SLC35F3: variants seen among roughly 807,000 people sequenced by gnomAD.
SLC35F3 encodes the protein solute carrier family 35 member F3, also known as putative thiamine transporter SLC35F3.
Under a neutral mutation model 49.9 loss-of-function variants are expected in SLC35F3, and 25 were observed. The ratio of observed to expected loss-of-function variants is 0.50; its 90% CI spans 0.37 to 0.70. The LOEUF is 0.70. SLC35F3 is among the 30% of genes least tolerant of loss of function. The pLI is 0.00. For synonymous variants in SLC35F3, 275 were observed against 265.4 expected (o/e 1.04, Z -0.35); for missense variants, 525 against 639.8 (o/e 0.82, Z 1.94).
intron 2 of SLC35F3, among the ~76,000 whole-genome samples, chr1:233,942,361 T>A (rs527807026): frequency 6.6e-6 from 1 of 152,254 alleles, no homozygotes; most frequent in African/African-American, 2.4e-5. Context: ...TTTTTGATGT[T>A]GTTTTGTGTG....
intron 2 of SLC35F3, among the ~76,000 whole-genome samples, chr1:234,066,831 CACACA>C (rs1664628031): frequency 1.5e-4 from 1 of 6,896 alleles, no homozygotes; most frequent in Non-Finnish European, 4.3e-4. Flanking sequence ...CTCTCTCTCC[CACACA>C]CACACACACA....
chr1:234,165,907 G>A (rs543470649), intron 2 of SLC35F3, among the ~76,000 whole-genome samples: 4 of 152,136 alleles, frequency 2.6e-5, no homozygotes, highest in African/African-American at 7.2e-5. Flanking sequence ...CTGCCTTTGC[G>A]CACTCATAGC....
intron 2 of SLC35F3, among the ~76,000 whole-genome samples, chr1:234,052,681 C>A (rs1664396842): frequency 6.6e-6 from 1 of 152,060 alleles, no homozygotes; most frequent in Non-Finnish European, 1.5e-5. Context: ...CTTCTGCTAG[C>A]TTTTAATGTG....
chr1:234,162,254 G>A (rs1666239123), intron 2 of SLC35F3, among the ~76,000 whole-genome samples: 2 of 151,662 alleles, frequency 1.3e-5, no homozygotes, highest in African/African-American at 4.8e-5. Context: ...CTGTGGCTAC[G>A]ATGCTGTGTC....
At chr1:234,198,198 A>G (rs1666843221) in intron 2 of SLC35F3, among the ~76,000 whole-genome samples, 1 of 152,226 alleles carries the variant, frequency 6.6e-6, no homozygotes, top group African/African-American at 2.4e-5. Flanking sequence ...ATTTCCTGTG[A>G]AGGCTTTTTG....
chr1:233,932,637 T>TA (rs1277623726), intron 2 of SLC35F3, among the ~76,000 whole-genome samples: 3 of 152,162 alleles, frequency 2.0e-5, no homozygotes, highest in African/African-American at 7.2e-5. Context: ...TACCACAATT[T>TA]AAAAATCTCT....
At chr1:234,118,863 TA>T (rs1322154214) in intron 2 of SLC35F3, among the ~76,000 whole-genome samples, 1 of 151,238 alleles carries the variant, frequency 6.6e-6, no homozygotes, top group African/African-American at 2.4e-5. Context: ...ATAAGCAAAT[TA>T]TTTTTTTCTT....
intron 3 of SLC35F3, among the ~76,000 whole-genome samples, chr1:234,290,985 G>C (rs141779945): frequency 6.6e-6 from 1 of 152,134 alleles, no homozygotes. Context: ...GCCACCAATA[G>C]ATATGACCTT....
intron 2 of SLC35F3, among the ~76,000 whole-genome samples, chr1:234,104,005 C>T (rs1435614299): frequency 1.3e-5 from 2 of 152,160 alleles, no homozygotes; most frequent in African/African-American, 4.8e-5. Flanking sequence ...TCAGCTGACC[C>T]ACCACAAGTG....
chr1:234,086,708 G>T (rs781055698), intron 2 of SLC35F3, among the ~76,000 whole-genome samples: 6 of 152,208 alleles, frequency 3.9e-5, no homozygotes, highest in Non-Finnish European at 5.9e-5. Context: ...ACCCTAGCTA[G>T]AGAGTGGTTG....
In SLC35F3 at chr1:233,904,918, C is replaced by A. The variant is rs974336429; in HGVS notation, c.-160C>A. 5.8e-6 allele frequency: 4 copies of A among 688,342 alleles called. No homozygotes were observed. Among genetic ancestry groups the A allele is most frequent in the Non-Finnish European group, 8.9e-6 (4 of 447,200 alleles). 42.6% of individuals were successfully genotyped at this position (688,342 alleles called of 1,614,324 possible). ...GCCGCGGAGGCGCTCGGGTACAGACCGCGCGGGCGCGCACAAAGCGGCCCG... is the reference window on the plus strand; with the variant it reads ...GCCGCGGAGGCGCTCGGGTACAGACAGCGCGGGCGCGCACAAAGCGGCCCG... On this transcript the variant is annotated 5_prime_UTR_variant, in exon 1 of 8. Coordinates refer to ENST00000366618, the MANE Select transcript of SLC35F3 (RefSeq NM_173508.4).
chr1:234,083,627 A>C (rs957959240), intron 2 of SLC35F3, among the ~76,000 whole-genome samples: 2 of 152,184 alleles, frequency 1.3e-5, no homozygotes, highest in African/African-American at 4.8e-5. Context: ...CAGATCTCCA[A>C]TCATTTCTTA....
rs1049613226 is a variant in SLC35F3, at chr1:233,974,254, G to T, written c.283+68496G>T. Among the ~76,000 whole-genome samples the T allele has an allele frequency of 2.9e-5, 4 of 137,548 alleles. No individual in the cohort carries two copies. The East Asian group carries it at 8.5e-4, about 29-fold the overall frequency. The allele number at this position is 137,548 out of a possible 152,430, so 90.2% of individuals were successfully genotyped here. A position where few individuals can be genotyped will look rare whatever the true frequency, so the allele number is the denominator to read the frequency against. Reference sequence around the variant, plus strand: ...GGCTGAAGTGCAATGGCACAATCTCGGCTCACTGCAACCTCCGCCTCCTGG... The same window carrying T: ...GGCTGAAGTGCAATGGCACAATCTCTGCTCACTGCAACCTCCGCCTCCTGG... On this transcript the variant is annotated intron_variant, in intron 2 of 7. Coordinates refer to ENST00000366618, the MANE Select transcript of SLC35F3 (RefSeq NM_173508.4).
intron 2 of SLC35F3, among the ~76,000 whole-genome samples, chr1:234,174,215 G>A (rs1666443262): frequency 6.6e-6 from 1 of 152,188 alleles, no homozygotes; most frequent in African/African-American, 2.4e-5. Flanking sequence ...AATGAAGGGA[G>A]GCACCAGAGC....
chr1:234,188,369 G>A (rs1283121361), intron 2 of SLC35F3, among the ~76,000 whole-genome samples: 1 of 152,164 alleles, frequency 6.6e-6, no homozygotes, highest in African/African-American at 2.4e-5. Context: ...GGGGCATGGT[G>A]GAAATGAGAC....
chr1:234,312,581 A>T (rs1156725295), intron 4 of SLC35F3, among the ~76,000 whole-genome samples: 1 of 152,166 alleles, frequency 6.6e-6, no homozygotes, highest in Non-Finnish European at 1.5e-5. Context: ...GCAATGGTGG[A>T]GCTCACAGCC....
rs74697626 is a variant in SLC35F3, at chr1:234,322,663, G to A, written c.1238-345G>A. Reference sequence around the variant, plus strand: ...AAGGGTCAAATGCGTGTGTGTGTGTGTGTGTGTGTGTGTGTGTGTGTGTAC... The same window carrying A: ...AAGGGTCAAATGCGTGTGTGTGTGTATGTGTGTGTGTGTGTGTGTGTGTAC... On this transcript the variant is annotated intron_variant, in intron 7 of 7. Coordinates refer to ENST00000366618, the MANE Select transcript of SLC35F3 (RefSeq NM_173508.4). 3.8e-3 allele frequency among the ~76,000 whole-genome samples: 491 copies of A among 129,492 alleles called. 4 individuals are homozygous for A. The highest frequency in any genetic ancestry group is 0.014 in the African/African-American group (434 of 31,808). The allele number at this position is 129,492 out of a possible 152,430, so 85.0% of individuals were successfully genotyped here.
intron 2 of SLC35F3, among the ~76,000 whole-genome samples, chr1:233,988,400 C>A (rs1231293818): frequency 6.6e-6 from 1 of 152,258 alleles, no homozygotes; most frequent in South Asian, 2.1e-4. Context: ...TGTGGATATC[C>A]CAGAGCTCTT....
intron 2 of SLC35F3, among the ~76,000 whole-genome samples, chr1:234,125,232 C>G (rs1311614073): frequency 6.6e-6 from 1 of 152,130 alleles, no homozygotes; most frequent in Non-Finnish European, 1.5e-5. Flanking sequence ...CCCAAATTAT[C>G]CTGCTTGTAT....
Sources: allele counts gnomAD v4.1 joint callset (sites outside exome capture counted in the v4.1 genomes callset), GRCh38; gene constraint gnomAD v4.1.1; transcripts MANE v1.5; gene names NCBI Gene and HGNC (gene_info 2026-07-23, HGNC 2026-07-21).